NID1: variants seen among roughly 807,000 people sequenced by gnomAD.
The protein encoded by NID1 is nidogen 1.
Under a neutral mutation model 130.6 loss-of-function variants are expected in NID1, and 76 were observed. The observed-to-expected ratio is 0.58, with a 90% CI of 0.48 to 0.70. The LOEUF is 0.70. Among genes scored for constraint, NID1 ranks in the 30% least tolerant of loss-of-function variants. NID1 has a pLI of 0.00. For synonymous variants in NID1, 665 were observed against 675.1 expected (o/e 0.98, Z 0.23); for missense variants, 1,517 against 1,664.8 (o/e 0.91, Z 1.54).
At chr1:235,980,056 A>G in intron 17 of NID1, 111 bp from the exon 18 acceptor site, 1 of 1,251,892 alleles carries the variant, frequency 8.0e-7, no homozygotes, top group African/African-American at 1.5e-5. Flanking sequence ...CATTACAATG[A>G]CAAGTCCCAG....
At chr1:235,992,041 C>T (rs1382191377) in intron 13 of NID1, among the ~76,000 whole-genome samples, 3 of 152,258 alleles carry the variant, frequency 2.0e-5, no homozygotes, top group Non-Finnish European at 4.4e-5. Context: ...GAGACAATGT[C>T]CCAGGAGGGA....
rs779358669 is a variant in NID1 at position 236,013,494 on chromosome 1, C to T, written c.2321G>A (p.Arg774Gln). 3.0e-5 allele frequency: 48 copies of T among 1,613,454 alleles called. No individual in the cohort carries two copies. In the East Asian group the frequency reaches 5.1e-4, roughly 17 times the overall value. ...GCCTCCTGTGTAGATACACTGGGCCCGCTGGGGTATGTCGCAGTTATGAAG... is the reference window on the plus strand; with the variant it reads ...GCCTCCTGTGTAGATACACTGGGCCTGCTGGGGTATGTCGCAGTTATGAAG... ...TGLHNCDIPQ[R>Q]AQCIYTGGSS... is the part of the protein sequence containing the mutation. The change falls in exon 11 of 20, where the codon CGG (arginine) becomes CAG (glutamine). Residue 774 changes from arginine (R) to glutamine (Q), a missense_variant. By Grantham distance (43) the Arg-to-Gln change is conservative. Transcript: ENST00000264187.
At chr1:236,013,366 A>G in intron 11 of NID1, 45 bp downstream of exon 11, 2 of 1,605,482 alleles carry the variant, frequency 1.2e-6, no homozygotes, top group Non-Finnish European at 1.7e-6. Context: ...CACCTAGGAA[A>G]CTTTCTCAGG....
chr1:236,015,268 G>A (rs1237352320), intron 10 of NID1, among the ~76,000 whole-genome samples: 1 of 152,218 alleles, frequency 6.6e-6, no homozygotes, highest in Non-Finnish European at 1.5e-5. Flanking sequence ...TTGAATGCGT[G>A]TAGGCAGACT....
chr1:235,978,072 G>T, intron 19 of NID1, 84 bp from the exon 20 acceptor site: 1 of 1,509,234 alleles, frequency 6.6e-7, no homozygotes. Context: ...CTTCTTGTGT[G>T]TGATCCCCCT....
At chr1:235,985,606 A>C in intron 14 of NID1, 101 bp from the exon 15 acceptor site, 1 of 1,348,472 alleles carries the variant, frequency 7.4e-7, no homozygotes, top group East Asian at 2.4e-5. Flanking sequence ...TTTGTAATGA[A>C]GTGTCAAGTG....
chr1:235,977,755 G>T lies in NID1; in HGVS notation c.*112C>A. ...AGTTGTTGGGGCTCAGGCTGGGCTG[G>T]GTCTGGGCCTAGTGGCCACTCAGCC... On this transcript the variant is annotated 3_prime_UTR_variant, in exon 20 of 20. Coordinates refer to ENST00000264187, the MANE Select transcript of NID1 (RefSeq NM_002508.3). The T allele has an allele frequency of 8.0e-7, 1 of 1,251,188 alleles. No individual in the cohort carries two copies. Among genetic ancestry groups the T allele is most frequent in the Non-Finnish European group, 1.1e-6 (1 of 878,984 alleles). The allele number at this position is 1,251,188 out of a possible 1,614,324, so 77.5% of individuals were successfully genotyped here. A position where few individuals can be genotyped will look rare whatever the true frequency, so the allele number is the denominator to read the frequency against.
intron 5 of NID1, among the ~76,000 whole-genome samples, chr1:236,037,373 T>A (rs1330658599): frequency 1.3e-5 from 2 of 152,108 alleles, no homozygotes; most frequent in African/African-American, 4.8e-5. Context: ...TTAAGATAGG[T>A]CTGGCTGGGC....
intron 9 of NID1, among the ~76,000 whole-genome samples, chr1:236,022,923 A>G (rs1009782328): frequency 2.0e-5 from 3 of 151,826 alleles, no homozygotes; most frequent in African/African-American, 7.2e-5. Context: ...TTAGCCTGGC[A>G]TGATGGCAAG....
intron 12 of NID1, among the ~76,000 whole-genome samples, chr1:236,001,490 C>T (rs1292578306): frequency 6.6e-6 from 1 of 152,122 alleles, no homozygotes; most frequent in African/African-American, 2.4e-5. Flanking sequence ...TGCCAAATTT[C>T]CAAGAAGGAG....
rs987700027 is a variant in NID1 at position 235,977,810 on chromosome 1, G to A, written c.*57C>T. 9 of 1,591,748 alleles carry A rather than the reference G, an allele frequency of 5.7e-6. No homozygotes were observed. The highest frequency in any genetic ancestry group is 7.7e-6 in the Non-Finnish European group (9 of 1,164,536). On this transcript the variant is annotated 3_prime_UTR_variant, in exon 20 of 20. Transcript: ENST00000264187. ...GACACTTTTCAATCTGGACCAAGTT[G>A]CTTCAAGTAGAGTGTTGCTGTGAAA...
At position 236,029,532 on chromosome 1, in the gene NID1, G is replaced by C; in HGVS notation, c.1738+18C>G. On this transcript the variant is annotated intron_variant, in intron 7 of 19. Transcript: ENST00000264187. ...GTGGCCGGTCTGGGGCTGGCCCTGG[G>C]ACACAGCTGGGGCTCACCTGAGGTG... The C allele has an allele frequency of 2.6e-6, 4 of 1,549,736 alleles. No individual in the cohort carries two copies. Among genetic ancestry groups the C allele is most frequent in the Non-Finnish European group, 2.6e-6 (3 of 1,146,288 alleles).
At chr1:236,029,920 G>T (rs1172533440) in intron 6 of NID1, among the ~76,000 whole-genome samples, 170 bp from the exon 7 acceptor site, 1 of 152,102 alleles carries the variant, frequency 6.6e-6, no homozygotes, top group African/African-American at 2.4e-5. Flanking sequence ...ACATCCCTGT[G>T]GCCCAACTGA....
At chr1:236,019,003 T>C (rs949268830) in intron 9 of NID1, among the ~76,000 whole-genome samples, 2 of 152,236 alleles carry the variant, frequency 1.3e-5, no homozygotes, top group African/African-American at 4.8e-5. Flanking sequence ...CCTCATAGTT[T>C]GTCCTGTACC....
intron 2 of NID1, 33 bp from the exon 3 acceptor site, chr1:236,045,716 A>G (rs1435847875): frequency 1.3e-6 from 2 of 1,510,054 alleles, no homozygotes; most frequent in Admixed American, 3.7e-5. Context: ...AGTTACTCGG[A>G]AAAATATCGA....
At chr1:235,986,760 A>G (rs1657586284) in intron 14 of NID1, among the ~76,000 whole-genome samples, 1 of 152,208 alleles carries the variant, frequency 6.6e-6, no homozygotes, top group Admixed American at 6.5e-5. Context: ...GTGCGCCCAG[A>G]CAAGGCTGTG....
At chr1:235,984,294 A>G (rs1010623290) in intron 15 of NID1, among the ~76,000 whole-genome samples, 4 of 152,258 alleles carry the variant, frequency 2.6e-5, no homozygotes, top group African/African-American at 9.6e-5. Context: ...CATGATTTAA[A>G]TAGCCTGTTG....
intron 13 of NID1, among the ~76,000 whole-genome samples, chr1:235,991,765 C>T (rs193150003): frequency 1.2e-4 from 19 of 152,318 alleles, no homozygotes; most frequent in Non-Finnish European, 2.5e-4. Context: ...CATCCCTGAA[C>T]TCCCTGCCCA....
At chr1:236,010,300 CTTTTTT>C (rs551127579) in intron 12 of NID1, among the ~76,000 whole-genome samples, 3 of 107,192 alleles carry the variant, frequency 2.8e-5, no homozygotes, top group South Asian at 3.2e-4. Context: ...GCTATTTATA[CTTTTTT>C]TTTTTTTTTT....
Sources: gnomAD v4.1 joint callset for allele counts (sites outside exome capture counted in the v4.1 genomes callset) on GRCh38, gnomAD v4.1.1 for gene constraint, MANE v1.5 for transcripts, NCBI Gene and HGNC (gene_info 2026-07-23, HGNC 2026-07-21) for gene names.